The following PAG1 variants were observed in gnomAD, a reference collection of about 807,000 sequenced individuals.
PAG1 encodes phosphoprotein associated with glycosphingolipid-enriched microdomains 1.
A neutral mutation model predicts 31.7 loss-of-function variants in PAG1; 23 were observed. The ratio of observed to expected loss-of-function variants is 0.73; its 90% CI spans 0.52 to 1.03. The LOEUF is 1.03. Among genes scored for constraint, PAG1 ranks in the 50% least tolerant of loss-of-function variants. PAG1 has a pLI of 0.00. For missense variants in PAG1, 473 were observed against 540.7 expected, an observed-to-expected ratio of 0.87 and a Z score of 1.24; for synonymous variants, 214 against 210.3, an observed-to-expected ratio of 1.02 and a Z score of -0.15.
chr8:81,047,902 T>C (rs1808668612), intron 2 of PAG1, among the ~76,000 whole-genome samples: 1 of 152,212 alleles, frequency 6.6e-6, no homozygotes, highest in Non-Finnish European at 1.5e-5. Context: ...CATGCAAATA[T>C]ATGAAAACCA....
At chr8:80,983,369 T>C (rs1031597474) in intron 7 of PAG1, among the ~76,000 whole-genome samples, 2 of 152,246 alleles carry the variant, frequency 1.3e-5, no homozygotes, top group Non-Finnish European at 1.5e-5. Flanking sequence ...TTTTCTCTTA[T>C]AAACTTTAAA....
intron 3 of PAG1, among the ~76,000 whole-genome samples, chr8:81,008,287 T>A (rs1428364031): frequency 6.6e-6 from 1 of 152,162 alleles, no homozygotes; most frequent in Non-Finnish European, 1.5e-5. Context: ...TAAATTGCCA[T>A]GTTATAGTGT....
chr8:81,087,427 C>T lies in PAG1; in HGVS notation c.-233-17257G>A, dbSNP rs963362500. On this transcript the variant is annotated intron_variant, in intron 1 of 8. Coordinates refer to ENST00000220597, the MANE Select transcript of PAG1 (RefSeq NM_018440.4). ...CTTGTAACGCCTAAAATATTTAGTA[C>T]CTCGCCATTTACAGAAAAAGTTTGC... Among the ~76,000 whole-genome samples the T allele has an allele frequency of 6.6e-5, 10 of 151,724 alleles. 1 individual carries two copies. In the East Asian group the frequency reaches 1.9e-3, roughly 29 times the overall value.
At chr8:81,071,376 G>A (rs905567375) in intron 1 of PAG1, among the ~76,000 whole-genome samples, 22 of 152,168 alleles carry the variant, frequency 1.4e-4, no homozygotes, top group Non-Finnish European at 2.9e-4. Flanking sequence ...CACACACAAC[G>A]AAGAAAGGCA....
In PAG1 at chr8:80,972,803, C is replaced by G. The variant is rs1334187226; in HGVS notation, c.*3741G>C. 1 of 152,158 alleles carries G rather than the reference C, an allele frequency of 6.6e-6. No individual in the cohort carries two copies. Among genetic ancestry groups the G allele is most frequent in the Non-Finnish European group, 1.5e-5 (1 of 68,034 alleles). 9.4% of individuals were successfully genotyped at this position (152,158 alleles called of 1,614,324 possible). ...TTACCAAATGAAACTGATTGAAAAA[C>G]TGTTCCTTCTAATTCTGCTTTTCCA... On this transcript the variant is annotated 3_prime_UTR_variant, in exon 9 of 9. Coordinates refer to ENST00000220597, the MANE Select transcript of PAG1 (RefSeq NM_018440.4).
At position 80,987,432 on chromosome 8, in the gene PAG1, G is replaced by A; in HGVS notation, c.212C>T (p.Thr71Ile). 1 of 1,613,968 alleles carries A rather than the reference G, an allele frequency of 6.2e-7. No homozygotes were observed. Among genetic ancestry groups the A allele is most frequent in the Non-Finnish European group, 8.5e-7 (1 of 1,179,850 alleles). Residue 71 changes from threonine (T) to isoleucine (I), a missense_variant, in exon 6 of 9, where the codon ACT (threonine) becomes ATT (isoleucine). By Grantham distance (89) the Thr-to-Ile change is moderately conservative. Coordinates refer to ENST00000220597, the MANE Select transcript of PAG1 (RefSeq NM_018440.4). The part of the protein sequence containing the change: ...SDKEMFSRSV[T>I]SLATDAPASS... The stretch of plus-strand genomic sequence containing the variant: ...GGCAGGAGCATCTGTTGCCAGGCTA[G>A]TAACTGAACGGCTGAACATCTCCTT...
At chr8:80,987,712 C>T (rs1807455113) in intron 5 of PAG1, among the ~76,000 whole-genome samples, 2 of 152,090 alleles carry the variant, frequency 1.3e-5, no homozygotes, top group African/African-American at 4.8e-5. Context: ...ATATGTTATA[C>T]CTATGATGAT....
intron 6 of PAG1, among the ~76,000 whole-genome samples, 168 bp from the exon 7 acceptor site, chr8:80,985,545 CAGT>C (rs1273911656): frequency 8.5e-5 from 13 of 152,328 alleles, no homozygotes; most frequent in African/African-American, 2.6e-4. Context: ...ACTTCAATCA[CAGT>C]TTAAAATAAA....
intron 3 of PAG1, among the ~76,000 whole-genome samples, chr8:81,020,472 G>A (rs1371168975): frequency 6.6e-6 from 1 of 152,172 alleles, no homozygotes; most frequent in African/African-American, 2.4e-5. Flanking sequence ...AATGGTGAAT[G>A]GGTCTCGTGA....
At chr8:81,003,140 G>A (rs558508390) in intron 3 of PAG1, among the ~76,000 whole-genome samples, 10 of 152,240 alleles carry the variant, frequency 6.6e-5, no homozygotes, top group African/African-American at 1.9e-4. Context: ...GGCGGGGCCC[G>A]GCAACCTCTG....
intron 1 of PAG1, among the ~76,000 whole-genome samples, chr8:81,077,414 C>T (rs764503056): frequency 1.3e-5 from 2 of 152,166 alleles, no homozygotes; most frequent in Non-Finnish European, 2.9e-5. Context: ...CTTCTGTGGG[C>T]CTACAGGAAC....
intron 3 of PAG1, among the ~76,000 whole-genome samples, chr8:81,020,810 C>A (rs1232324618): frequency 1.3e-5 from 2 of 152,162 alleles, no homozygotes; most frequent in Non-Finnish European, 2.9e-5. Context: ...ATAATGCATG[C>A]AAATTGCTTT....
intron 3 of PAG1, among the ~76,000 whole-genome samples, chr8:81,003,004 A>C (rs923911776): frequency 2.0e-5 from 3 of 152,220 alleles, no homozygotes; most frequent in African/African-American, 7.2e-5. Context: ...AGAGGAAGGG[A>C]CAGGGTCATG....
At chr8:81,069,594 A>C (rs1480143161) in intron 2 of PAG1, among the ~76,000 whole-genome samples, 2 of 152,242 alleles carry the variant, frequency 1.3e-5, no homozygotes, top group Admixed American at 1.3e-4. Context: ...GTTATTAAGG[A>C]ATTATTAACA....
At chr8:81,064,851 A>C (rs1242142880) in intron 2 of PAG1, among the ~76,000 whole-genome samples, 1 of 152,232 alleles carries the variant, frequency 6.6e-6, no homozygotes, top group Non-Finnish European at 1.5e-5. Context: ...CCTGAGGCTG[A>C]TGAGGCAAAG....
intron 1 of PAG1, among the ~76,000 whole-genome samples, chr8:81,096,499 CTCTT>C (rs1809530296): frequency 6.6e-6 from 1 of 152,122 alleles, no homozygotes; most frequent in Admixed American, 6.5e-5. Flanking sequence ...GTGGCCTCCC[CTCTT>C]TAATTCAGCA....
At position 80,987,221 on chromosome 8, in the gene PAG1, A is replaced by AT. The variant is rs553133956; in HGVS notation, c.274+148dup. 720 of 599,146 alleles carry AT rather than the reference A, an allele frequency of 1.2e-3. 11 individuals carry two copies. The South Asian group carries it at 0.014, about 11-fold the overall frequency. The allele number at this position is 599,146 out of a possible 1,614,324, so 37.1% of individuals were successfully genotyped here. A position where few individuals can be genotyped will look rare whatever the true frequency, so the allele number is the denominator to read the frequency against. On this transcript the variant is annotated intron_variant, in intron 6 of 8. Transcript: ENST00000220597. Reference sequence around the variant, plus strand: ...AGTGGATTAATAAGTAGCAGTATTCATCCAAATGAGGGGTTCTGCTAAAAC... The same window carrying AT: ...AGTGGATTAATAAGTAGCAGTATTCATTCCAAATGAGGGGTTCTGCTAAAAC...
intron 7 of PAG1, among the ~76,000 whole-genome samples, chr8:80,983,512 A>T (rs1178235849): frequency 6.6e-6 from 1 of 152,264 alleles, no homozygotes; most frequent in East Asian, 1.9e-4. Flanking sequence ...TTTGTTAAAT[A>T]AATGAATGAA....
chr8:81,040,499 G>A (rs1808535648), intron 2 of PAG1, among the ~76,000 whole-genome samples: 1 of 152,082 alleles, frequency 6.6e-6, no homozygotes, highest in Non-Finnish European at 1.5e-5. Context: ...CTCATCCAAA[G>A]ATTCTTCTGC....
Sources: allele counts gnomAD v4.1 joint callset (sites outside exome capture counted in the v4.1 genomes callset), GRCh38; gene constraint gnomAD v4.1.1; transcripts MANE v1.5; gene names NCBI Gene and HGNC (gene_info 2026-07-23, HGNC 2026-07-21).